The following WHRN variants were observed in gnomAD, a reference collection of about 807,000 sequenced individuals.
WHRN encodes whirlin.
A neutral mutation model predicts 68.3 loss-of-function variants in WHRN; 41 were observed. The observed-to-expected ratio is 0.60, with a 90% CI of 0.47 to 0.78. The LOEUF is 0.78. Among genes scored for constraint, WHRN ranks in the 30% least tolerant of loss-of-function variants. WHRN has a pLI of 0.00. For missense variants in WHRN, 1,243 were observed against 1,244.7 expected (o/e 1.00, Z 0.02); for synonymous variants, 560 against 561.3 (o/e 1.00, Z 0.03).
chr9:114,408,098 T>A, intron 7 of WHRN, 80 bp from the exon 8 acceptor site: 1 of 1,216,188 alleles, frequency 8.2e-7, no homozygotes, highest in Non-Finnish European at 1.2e-6. Flanking sequence ...ACACCAAAAT[T>A]GAGGAAGTCT....
At chr9:114,430,401 T>C (rs1408666084) in intron 3 of WHRN, among the ~76,000 whole-genome samples, 1 of 152,238 alleles carries the variant, frequency 6.6e-6, no homozygotes. Flanking sequence ...TGCACTCAAA[T>C]TTAAATGAGC....
At chr9:114,491,057 G>T (rs1436357532) in intron 1 of WHRN, among the ~76,000 whole-genome samples, 1 of 152,062 alleles carries the variant, frequency 6.6e-6, no homozygotes, top group African/African-American at 2.4e-5. Flanking sequence ...ATTCACTCAA[G>T]ATGAGCCCCA....
chr9:114,486,884 T>C (rs1554739475), intron 1 of WHRN, among the ~76,000 whole-genome samples: 1 of 94,140 alleles, frequency 1.1e-5, no homozygotes, highest in African/African-American at 4.6e-5. Context: ...ATGATTAAAT[T>C]AGTGTGTGTG....
intron 1 of WHRN, among the ~76,000 whole-genome samples, chr9:114,480,015 A>G (rs995591424): frequency 6.6e-6 from 1 of 152,232 alleles, no homozygotes; most frequent in Non-Finnish European, 1.5e-5. Context: ...GTGAGCTGAG[A>G]TCGTGCCACT....
intron 3 of WHRN, among the ~76,000 whole-genome samples, chr9:114,433,494 A>G (rs891240808): frequency 6.6e-5 from 10 of 152,224 alleles, no homozygotes; most frequent in Non-Finnish European, 1.3e-4. Flanking sequence ...TGTTGGCTAC[A>G]GCATTATCAC....
At chr9:114,455,059 A>G (rs1180743012) in intron 3 of WHRN, among the ~76,000 whole-genome samples, 1 of 152,230 alleles carries the variant, frequency 6.6e-6, no homozygotes, top group Non-Finnish European at 1.5e-5. Flanking sequence ...CTCAAAATAA[A>G]TCATAGACTA....
At chr9:114,445,579 G>A (rs1252668748) in intron 3 of WHRN, among the ~76,000 whole-genome samples, 1 of 152,162 alleles carries the variant, frequency 6.6e-6, no homozygotes, top group African/African-American at 2.4e-5. Context: ...GGGGAGACAA[G>A]CCATAGCACA....
At chr9:114,495,592 CAG>C (rs1247165113) in intron 1 of WHRN, among the ~76,000 whole-genome samples, 1 of 152,090 alleles carries the variant, frequency 6.6e-6, no homozygotes, top group Non-Finnish European at 1.5e-5. Flanking sequence ...AGATCCTGTG[CAG>C]AGACAACAAG....
In WHRN at chr9:114,426,429, C is replaced by T; in HGVS notation, c.964-16G>A. On this transcript the variant is annotated splice_polypyrimidine_tract_variant and intron_variant, in intron 3 of 11. Coordinates refer to ENST00000362057, the MANE Select transcript of WHRN (RefSeq NM_015404.4). ...GGTCCCCAACCTGCCAAGATCACCA[C>T]ACAATACAGTCACCTGGGCTGTTTG... 6.2e-7 allele frequency: 1 copy of T among 1,613,768 alleles called. No individual in the cohort carries two copies. Among genetic ancestry groups the T allele is most frequent in the Non-Finnish European group, 8.5e-7 (1 of 1,180,006 alleles).
rs1838514760 is a variant in WHRN, at chr9:114,443,045, T to C, written c.964-16632A>G. 2.0e-5 allele frequency among the ~76,000 whole-genome samples: 3 copies of C among 152,148 alleles called. No individual in the cohort carries two copies. In the South Asian group the frequency reaches 6.2e-4, roughly 31 times the overall value. On this transcript the variant is annotated intron_variant, in intron 3 of 11. Transcript: ENST00000362057. Reference sequence around the variant, plus strand: ...TTTCCACTTCTGTGCTTCATAGCCATAAAGAAAGAAATTGACCTGCTCTTC... The same window carrying C: ...TTTCCACTTCTGTGCTTCATAGCCACAAAGAAAGAAATTGACCTGCTCTTC...
intron 7 of WHRN, among the ~76,000 whole-genome samples, chr9:114,413,569 T>C (rs1835607304): frequency 6.6e-6 from 1 of 152,030 alleles, no homozygotes; most frequent in African/African-American, 2.4e-5. Flanking sequence ...ACCTGCAATC[T>C]CTCCAAGCAC....
intron 3 of WHRN, among the ~76,000 whole-genome samples, chr9:114,431,500 C>T (rs1380374049): frequency 6.6e-6 from 1 of 152,232 alleles, no homozygotes; most frequent in East Asian, 1.9e-4. Flanking sequence ...TTCACCCCAG[C>T]ACAGCACTGG....
chr9:114,484,144 G>A (rs13286430), intron 1 of WHRN, among the ~76,000 whole-genome samples: 65,714 of 152,054 alleles, frequency 0.43, 15,836 homozygotes, highest in East Asian at 0.62. Context: ...GGCAGGATAC[G>A]CACCCCAACT....
chr9:114,460,301 T>G (rs4979401), intron 3 of WHRN, among the ~76,000 whole-genome samples: 113,596 of 152,174 alleles, frequency 0.75, 42,609 homozygotes, highest in East Asian at 0.97. Flanking sequence ...GGAAGCTACT[T>G]CACCTCTCTG....
chr9:114,414,349 C>A (rs774084999), intron 7 of WHRN, among the ~76,000 whole-genome samples: 3 of 152,304 alleles, frequency 2.0e-5, no homozygotes, highest in Admixed American at 6.5e-5. Context: ...AAAATTATAT[C>A]AGGTATTTCC....
chr9:114,404,387 C>T (rs891432641), intron 9 of WHRN, among the ~76,000 whole-genome samples: 1 of 152,248 alleles, frequency 6.6e-6, no homozygotes, highest in Non-Finnish European at 1.5e-5. Flanking sequence ...AAACCTAGCC[C>T]ACAGATGTGG....
At chr9:114,472,724 T>A (rs1841341185) in intron 2 of WHRN, among the ~76,000 whole-genome samples, 1 of 152,216 alleles carries the variant, frequency 6.6e-6, no homozygotes, top group South Asian at 2.1e-4. Flanking sequence ...CCATTATAGG[T>A]ACTTGGTACA....
chr9:114,466,933 G>GGGGTCTCCTGTCACCTCA (rs1840755759), intron 2 of WHRN, among the ~76,000 whole-genome samples: 1 of 148,840 alleles, frequency 6.7e-6, no homozygotes, highest in Non-Finnish European at 1.5e-5. Context: ...TATCATCTCA[G>GGGGTCTCCTGTCACCTCA]GGGTCTCCTG....
chr9:114,499,015 G>A (rs1843697738), intron 1 of WHRN, among the ~76,000 whole-genome samples: 1 of 152,242 alleles, frequency 6.6e-6, no homozygotes, highest in Non-Finnish European at 1.5e-5. Flanking sequence ...ATGTGTCAAT[G>A]TAGGTTCATC....
Sources: gnomAD v4.1 joint callset for allele counts (sites outside exome capture counted in the v4.1 genomes callset) on GRCh38, gnomAD v4.1.1 for gene constraint, MANE v1.5 for transcripts, NCBI Gene and HGNC (gene_info 2026-07-23, HGNC 2026-07-21) for gene names.